Variants in MALRD1 observed in about 807,000 individuals in gnomAD.
MALRD1 encodes the protein MAM and LDL-receptor class A domain-containing protein 1.
In MALRD1, 247 loss-of-function variants were observed where a neutral mutation model predicts 242.1. The ratio of observed to expected loss-of-function variants is 1.02; its 90% CI spans 0.92 to 1.13. MALRD1 has a LOEUF of 1.13. Among genes scored for constraint, MALRD1 ranks in the 50% most tolerant of loss-of-function variants. MALRD1 has a pLI of 0.00. For missense variants in MALRD1, 2,989 were observed against 2,533.1 expected (o/e 1.18, Z -3.86); for synonymous variants, 995 against 866.6 (o/e 1.15, Z -2.60).
chr10:19,108,873 T>A (rs74120725), intron 5 of MALRD1, among the ~76,000 whole-genome samples: 1 of 152,196 alleles, frequency 6.6e-6, no homozygotes, highest in African/African-American at 2.4e-5. Context: ...GGTCGTATCA[T>A]GTTTCTTTGC....
rs11008573 is a variant in MALRD1 at position 19,128,252 on chromosome 10, T to C, written c.975T>C (p.Gly325=). ...GYYVWVGAKH[G]FTLNHLDSRA... ...ATGTATGGGTAGGCGCTAAGCATGG[T>C]TTCACTCTTAACCATTTAGACAGCA... The change falls in exon 8 of 40, where the codon GGT becomes GGC. Residue 325 remains glycine (G), a synonymous_variant. Coordinates refer to ENST00000454679, the MANE Select transcript of MALRD1 (RefSeq NM_001142308.3). The C allele has an allele frequency of 0.17, 214,909 of 1,232,914 alleles. 19,948 individuals are homozygous for C. The highest frequency in any genetic ancestry group is 0.22 in the Middle Eastern group (1,040 of 4,834). 76.4% of individuals were successfully genotyped at this position (1,232,914 alleles called of 1,614,324 possible).
chr10:19,642,561 C>A (rs1406420488), intron 36 of MALRD1, among the ~76,000 whole-genome samples: 1 of 152,204 alleles, frequency 6.6e-6, no homozygotes, highest in East Asian at 1.9e-4. Context: ...GGAAAAATAT[C>A]AAAATTAGCA....
chr10:19,385,528 A>G (rs1407110395), intron 26 of MALRD1, among the ~76,000 whole-genome samples: 2 of 152,054 alleles, frequency 1.3e-5, no homozygotes, highest in Non-Finnish European at 2.9e-5. Context: ...TTCTTGGTGT[A>G]TAATTGTTCA....
At chr10:19,580,711 T>G (rs1837075769) in intron 33 of MALRD1, among the ~76,000 whole-genome samples, 1 of 152,232 alleles carries the variant, frequency 6.6e-6, no homozygotes, top group African/African-American at 2.4e-5. Context: ...TTAATCACTT[T>G]GAAAATAGTT....
intron 18 of MALRD1, among the ~76,000 whole-genome samples, chr10:19,232,585 G>A (rs1330270551): frequency 1.3e-5 from 2 of 152,180 alleles, no homozygotes; most frequent in African/African-American, 4.8e-5. Context: ...TGTGCAGGGT[G>A]AAGTGAGATT....
At chr10:19,050,796 A>C (rs1160674523) in intron 1 of MALRD1, among the ~76,000 whole-genome samples, 1 of 152,226 alleles carries the variant, frequency 6.6e-6, no homozygotes, top group Non-Finnish European at 1.5e-5. Flanking sequence ...TTTGACAAGC[A>C]GTGCCAAGTC....
In MALRD1 at chr10:19,549,908, G is replaced by T. The variant is rs2131402920; in HGVS notation, c.5479-17594G>T. ...CATTGCTCAGCCTTCTGGCTAATAG[G>T]TTAAACATTGGGGGAAAGTTTTATG... On this transcript the variant is annotated intron_variant, in intron 32 of 39. Coordinates refer to ENST00000454679, the MANE Select transcript of MALRD1 (RefSeq NM_001142308.3). Among the ~76,000 whole-genome samples, 3 of 152,288 alleles carry T rather than the reference G, an allele frequency of 2.0e-5. No individual in the cohort carries two copies. The East Asian group carries it at 5.8e-4, about 29-fold the overall frequency.
At position 19,205,279 on chromosome 10, in the gene MALRD1, G is replaced by A; in HGVS notation, c.2578+14G>A. ...AAGTCAACTGTGGTAAGTTCTTTTT[G>A]GTTGGGGGATTCTCTTTCTCATTTT... On this transcript the variant is annotated intron_variant, in intron 17 of 39. Transcript: ENST00000454679. The A allele has an allele frequency of 6.6e-7, 1 of 1,523,522 alleles. No individual in the cohort carries two copies. Among genetic ancestry groups the A allele is most frequent in the Non-Finnish European group, 8.8e-7 (1 of 1,135,560 alleles). 94.4% of individuals were successfully genotyped at this position (1,523,522 alleles called of 1,614,324 possible). A position where few individuals can be genotyped will look rare whatever the true frequency, so the allele number is the denominator to read the frequency against.
intron 21 of MALRD1, among the ~76,000 whole-genome samples, chr10:19,291,860 G>A (rs1841443875): frequency 6.6e-6 from 1 of 151,910 alleles, no homozygotes; most frequent in Non-Finnish European, 1.5e-5. Flanking sequence ...TGAGGCGGGT[G>A]GATCACTTGA....
Position 19,077,754 on chromosome 10 carries a change from T to G in MALRD1, c.341-10086T>G, listed in dbSNP as rs1345469654. ...TCAGTTAAGGGTTCCCGCTCCAGAT[T>G]CAGACAGGTACAGATTTCTTCCCAG... On this transcript the variant is annotated intron_variant, in intron 2 of 39. Coordinates refer to ENST00000454679, the MANE Select transcript of MALRD1 (RefSeq NM_001142308.3). 2.6e-5 allele frequency among the ~76,000 whole-genome samples: 4 copies of G among 151,886 alleles called. No homozygotes were observed. The Admixed American group carries it at 2.6e-4, about 10-fold the overall frequency.
intron 28 of MALRD1, among the ~76,000 whole-genome samples, chr10:19,409,665 ACCATTG>A (rs1833190867): frequency 1.3e-5 from 2 of 152,168 alleles, no homozygotes; most frequent in Non-Finnish European, 2.9e-5. Flanking sequence ...GAAAGACATT[ACCATTG>A]GGGGAACTGG....
intron 26 of MALRD1, among the ~76,000 whole-genome samples, chr10:19,352,844 G>C (rs1577304): frequency 0.025 from 3,838 of 151,996 alleles, 137 homozygotes; most frequent in African/African-American, 0.079. Flanking sequence ...CAGATGTTCA[G>C]TATAATTCCT....
Position 19,347,935 on chromosome 10 carries a change from A to G in MALRD1, c.4066A>G (p.Ile1356Val). The change falls in exon 25 of 40, where the codon ATA (isoleucine) becomes GTA (valine). Residue 1356 changes from isoleucine (I) to valine (V), a missense_variant. By Grantham distance (29) the Ile-to-Val change is conservative. Coordinates refer to ENST00000454679, the MANE Select transcript of MALRD1 (RefSeq NM_001142308.3). ...LGNSSGHYIF[I>V]KSLFPQQPMR... is the part of the protein sequence containing the mutation. ...AAATTCATCTGGTCATTACATCTTT[A>G]TAAAGAGTTTGTTTCCTCAGCAGCC... The G allele has an allele frequency of 2.6e-6, 4 of 1,550,358 alleles. No individual in the cohort carries two copies. The highest frequency in any genetic ancestry group is 2.4e-5 in the East Asian group (1 of 40,894).
chr10:19,641,464 C>T (rs982272113), intron 36 of MALRD1, among the ~76,000 whole-genome samples: 5 of 152,120 alleles, frequency 3.3e-5, no homozygotes, highest in African/African-American at 1.2e-4. Context: ...AAGACACCTG[C>T]ACTAAGAAAG....
chr10:19,354,631 C>T (rs1844542468), intron 26 of MALRD1, among the ~76,000 whole-genome samples: 1 of 152,040 alleles, frequency 6.6e-6, no homozygotes, highest in African/African-American at 2.4e-5. Context: ...ATATTTGTCT[C>T]TCTGCCTGGC....
chr10:19,207,507 GTTTGATTT>G (rs1000560326), intron 17 of MALRD1, among the ~76,000 whole-genome samples: 1 of 151,916 alleles, frequency 6.6e-6, no homozygotes, highest in Non-Finnish European at 1.5e-5. Context: ...TTGTTTGTTT[GTTTGATTT>G]TTTTAGAAAG....
intron 33 of MALRD1, among the ~76,000 whole-genome samples, chr10:19,580,975 T>A (rs1479179270): frequency 6.6e-6 from 1 of 152,150 alleles, no homozygotes; most frequent in Non-Finnish European, 1.5e-5. Context: ...TAGGAATATT[T>A]AAGCTGTTAA....
At chr10:19,577,704 T>C (rs554720946) in intron 33 of MALRD1, among the ~76,000 whole-genome samples, 3 of 152,224 alleles carry the variant, frequency 2.0e-5, no homozygotes, top group African/African-American at 7.2e-5. Context: ...ACGTGAATGA[T>C]GACGTTGGCC....
chr10:19,316,517 C>T (rs1185826350), intron 21 of MALRD1, among the ~76,000 whole-genome samples: 1 of 151,838 alleles, frequency 6.6e-6, no homozygotes, highest in Admixed American at 6.6e-5. Context: ...CACACCAGAA[C>T]TCTGATTGGT....
Sources: gnomAD v4.1 joint callset for allele counts (sites outside exome capture counted in the v4.1 genomes callset) on GRCh38, gnomAD v4.1.1 for gene constraint, MANE v1.5 for transcripts, NCBI Gene and HGNC (gene_info 2026-07-23, HGNC 2026-07-21) for gene names.